MYH9: variants seen among roughly 807,000 people sequenced by gnomAD.
MYH9 encodes myosin heavy chain 9, also known as myosin-9.
A neutral mutation model predicts 241.9 loss-of-function variants in MYH9; 29 were observed. The observed-to-expected ratio is 0.12, with a 90% CI of 0.09 to 0.16. The LOEUF (loss-of-function observed/expected upper bound fraction) is 0.16. MYH9 is among the 10% of genes least tolerant of loss of function. The pLI is 1.00. For missense variants in MYH9, 1,803 were observed against 2,595.5 expected (o/e 0.69, Z 6.63); for synonymous variants, 1,047 against 1,062.6 (o/e 0.99, Z 0.29).
chr22:36,320,379 G>T lies in MYH9; in HGVS notation c.869-16C>A. ...AGGAGATCGGCTGTAAGGGGTGGAGGGCAAGGGCGCCTCAGCGAGGTGCTG... is the reference window on the plus strand; with the variant it reads ...AGGAGATCGGCTGTAAGGGGTGGAGTGCAAGGGCGCCTCAGCGAGGTGCTG... On this transcript the variant is annotated splice_polypyrimidine_tract_variant and intron_variant, in intron 8 of 40. Coordinates refer to ENST00000216181, the MANE Select transcript of MYH9 (RefSeq NM_002473.6). This position sits in a 1 kb window ranked among gnomAD's most constrained non-coding sequence, Gnocchi z 4.8. 6.2e-7 allele frequency: 1 copy of T among 1,612,266 alleles called. No homozygotes were observed. Among genetic ancestry groups the T allele is most frequent in the South Asian group, 1.1e-5 (1 of 91,074 alleles).
Position 36,316,369 on chromosome 22 carries a change from C to A in MYH9, c.1380+148G>T, listed in dbSNP as rs5756151. 924 of 1,054,594 alleles carry A rather than the reference C, an allele frequency of 8.8e-4. 4 individuals carry two copies. The African/African-American group carries it at 0.012, about 13-fold the overall frequency. 65.3% of individuals were successfully genotyped at this position (1,054,594 alleles called of 1,614,324 possible). A position where few individuals can be genotyped will look rare whatever the true frequency, so the allele number is the denominator to read the frequency against. On this transcript the variant is annotated intron_variant, in intron 12 of 40. Transcript: ENST00000216181. The stretch of plus-strand genomic sequence containing the variant: ...CTTTTAAAAAAGAAAAAAAAAAAAA[C>A]AACCCCACACCCAACCAAAGTCTTC...
At chr22:36,356,153 C>A (rs778094713) in intron 1 of MYH9, among the ~76,000 whole-genome samples, 15 of 152,160 alleles carry the variant, frequency 9.9e-5, no homozygotes, top group Non-Finnish European at 1.8e-4. Context: ...ATGCAAGCAG[C>A]CCCTCTGTTT....
intron 3 of MYH9, among the ~76,000 whole-genome samples, chr22:36,328,134 C>T (rs1300224077): frequency 6.6e-6 from 1 of 152,178 alleles, no homozygotes; most frequent in African/African-American, 2.4e-5. Context: ...GGAAGGCGTG[C>T]AATGATGTCA....
At chr22:36,368,824 AAAGCCCGGAAGAGCCTGCG>A (rs2018049045) in intron 1 of MYH9, among the ~76,000 whole-genome samples, 1 of 151,908 alleles carries the variant, frequency 6.6e-6, no homozygotes, top group African/African-American at 2.4e-5. Flanking sequence ...GCTGCCCTGC[AAAGCCCGGAAGAGCCTGCG>A]AAGCCTGCCC....
chr22:36,337,679 C>A (rs987707699), intron 3 of MYH9, among the ~76,000 whole-genome samples: 2 of 152,206 alleles, frequency 1.3e-5, no homozygotes, highest in African/African-American at 4.8e-5. Context: ...AAGGAACTTT[C>A]CGGCTGTGCC....
chr22:36,285,057 G>T lies in MYH9; in HGVS notation c.5483+64C>A. 1 of 1,493,036 alleles carries T rather than the reference G, an allele frequency of 6.7e-7. No homozygotes were observed. Among genetic ancestry groups the T allele is most frequent in the South Asian group, 1.1e-5 (1 of 87,148 alleles). 92.5% of individuals were successfully genotyped at this position (1,493,036 alleles called of 1,614,324 possible). ...CTGGTTGTGGCCCAGATTTGGGCAG[G>T]ACTGCAGGGGGGCCAGAGTTTTTTC... is the stretch of plus-strand genomic sequence containing the variant. On this transcript the variant is annotated intron_variant, in intron 38 of 40. Transcript: ENST00000216181. The surrounding 1 kb of genome is among the most constrained non-coding windows in gnomAD (Gnocchi z 7.0).
chr22:36,368,035 AC>A (rs1190002899), intron 1 of MYH9, among the ~76,000 whole-genome samples: 3 of 152,122 alleles, frequency 2.0e-5, no homozygotes, highest in Non-Finnish European at 2.9e-5. Context: ...GCATACAGAC[AC>A]CCCAGAGGAT....
At chr22:36,322,985 C>T (rs1006987015) in intron 5 of MYH9, among the ~76,000 whole-genome samples, 3 of 152,228 alleles carry the variant, frequency 2.0e-5, no homozygotes, top group South Asian at 2.1e-4. Flanking sequence ...AAAATATACA[C>T]GCTCATCTCA....
chr22:36,368,985 G>A (rs1603484466), intron 1 of MYH9, among the ~76,000 whole-genome samples: 1 of 152,102 alleles, frequency 6.6e-6, no homozygotes, highest in East Asian at 1.9e-4. Flanking sequence ...TAAAAGGGAA[G>A]AGACCCACCC....
intron 9 of MYH9, among the ~76,000 whole-genome samples, chr22:36,319,991 C>G (rs1419156099): frequency 6.6e-6 from 1 of 152,222 alleles, no homozygotes; most frequent in Non-Finnish European, 1.5e-5. Context: ...GAGTCCTGGG[C>G]AGTTAAGAAC....
chr22:36,297,760 C>T (rs758168389), intron 24 of MYH9, among the ~76,000 whole-genome samples: 2 of 152,220 alleles, frequency 1.3e-5, no homozygotes, highest in African/African-American at 4.8e-5. Flanking sequence ...CTCTGATCAA[C>T]GCTGCTGCAA....
At chr22:36,301,182 T>C (rs1394644276) in intron 21 of MYH9, 125 bp from the exon 22 acceptor site, 8 of 934,692 alleles carry the variant, frequency 8.6e-6, no homozygotes, top group Middle Eastern at 3.1e-4. Flanking sequence ...GTAGCTTTCA[T>C]CTGGAGAGCT....
intron 5 of MYH9, chr22:36,324,998 C>G: frequency 1.4e-6 from 1 of 719,780 alleles, no homozygotes; most frequent in Non-Finnish European, 2.6e-6. Context: ...GTCACCCTCC[C>G]AAGAACCAGT....
intron 35 of MYH9, 90 bp from the exon 36 acceptor site, chr22:36,286,043 T>C: frequency 7.0e-7 from 1 of 1,419,406 alleles, no homozygotes; most frequent in South Asian, 1.2e-5. Flanking sequence ...CCTCAAGCCC[T>C]TCCCCAGGCC....
At chr22:36,386,571 C>T (rs1039033399) in intron 1 of MYH9, among the ~76,000 whole-genome samples, 1 of 152,164 alleles carries the variant, frequency 6.6e-6, no homozygotes, top group Non-Finnish European at 1.5e-5. Flanking sequence ...CTGTTAAACC[C>T]AGAAAAGGGC....
At position 36,341,471 on chromosome 22, in the gene MYH9, T is replaced by C; in HGVS notation, c.389A>G (p.Tyr130Cys). 1 of 1,614,080 alleles carries C rather than the reference T, an allele frequency of 6.2e-7. No individual in the cohort carries two copies. The highest frequency in any genetic ancestry group is 1.7e-5 in the Admixed American group (1 of 60,016). Residue 130 changes from tyrosine to cysteine, a missense_variant, in exon 3 of 41, where the codon TAC becomes TGC. Coordinates refer to ENST00000216181, the MANE Select transcript of MYH9 (RefSeq NM_002473.6). Reference protein sequence around the residue: ...VINPYKNLPIYSEEIVEMYKG... With the variant: ...VINPYKNLPICSEEIVEMYKG... ...GTACATTTCCACAATCTCTTCAGAG[T>C]AGATGGGCAGGTTCTTGTAAGGATT...
chr22:36,352,925 G>A (rs1331036752), intron 1 of MYH9, among the ~76,000 whole-genome samples: 2 of 152,110 alleles, frequency 1.3e-5, no homozygotes. Context: ...GAGCAGCGGC[G>A]CCAAGATCAA....
intron 1 of MYH9, among the ~76,000 whole-genome samples, chr22:36,352,363 G>A (rs1603484123): frequency 2.0e-5 from 3 of 152,140 alleles, no homozygotes; most frequent in Admixed American, 6.5e-5. Flanking sequence ...CGCTACTGTC[G>A]GCGCAAGCTT....
intron 35 of MYH9, 88 bp from the exon 36 acceptor site, chr22:36,286,041 C>G: frequency 2.1e-6 from 3 of 1,452,660 alleles, no homozygotes; most frequent in Non-Finnish European, 2.8e-6. Flanking sequence ...CCCCTCAAGC[C>G]CTTCCCCAGG....
Sources: allele counts gnomAD v4.1 joint callset (sites outside exome capture counted in the v4.1 genomes callset), GRCh38; gene constraint gnomAD v4.1.1; non-coding constraint Gnocchi (gnomAD v3.1); transcripts MANE v1.5; gene names NCBI Gene and HGNC (gene_info 2026-07-23, HGNC 2026-07-21).